The following PTPRN2 variants were observed in gnomAD, a reference collection of about 807,000 sequenced individuals.
PTPRN2 encodes the protein protein tyrosine phosphatase receptor type N2, also known as receptor-type tyrosine-protein phosphatase N2.
PTPRN2 carries 74 observed loss-of-function variants against 118.8 expected under a neutral mutation model. The ratio of observed to expected loss-of-function variants is 0.62; its 90% confidence interval spans 0.52 to 0.76. The LOEUF (loss-of-function observed/expected upper bound fraction) is 0.76. PTPRN2 is among the 30% of genes least tolerant of loss of function. The pLI, the probability that PTPRN2 is intolerant of heterozygous loss-of-function variation, is 0.00. For synonymous variants in PTPRN2, 641 were observed against 608.0 expected (o/e 1.05, Z -0.80); for missense variants, 1,481 against 1,394.4 (o/e 1.06, Z -0.99).
intron 2 of PTPRN2, among the ~76,000 whole-genome samples, chr7:158,341,554 G>A (rs199641415): frequency 0.092 from 3,580 of 38,712 alleles, 887 homozygotes; most frequent in Non-Finnish European, 0.14. Context: ...ATCTGCAGAC[G>A]TCACTCACAC....
At chr7:158,192,681 G>A (rs1200304372) in intron 4 of PTPRN2, among the ~76,000 whole-genome samples, 186 bp from the exon 5 acceptor site, 2 of 152,154 alleles carry the variant, frequency 1.3e-5, no homozygotes, top group East Asian at 1.9e-4. Context: ...TGTCCTGCAC[G>A]AGGATGGCTA....
chr7:157,870,689 C>G (rs1810994099), intron 12 of PTPRN2, among the ~76,000 whole-genome samples: 1 of 152,210 alleles, frequency 6.6e-6, no homozygotes, highest in Non-Finnish European at 1.5e-5. Context: ...TCTTCAGAAT[C>G]TCTTCCATAA....
intron 2 of PTPRN2, among the ~76,000 whole-genome samples, chr7:158,371,078 C>T (rs1053871756): frequency 5.3e-5 from 8 of 152,102 alleles, no homozygotes; most frequent in East Asian, 3.9e-4. Context: ...TCGGTCATAA[C>T]GAAAAATTTT....
chr7:158,157,650 G>A (rs965308644), intron 6 of PTPRN2, among the ~76,000 whole-genome samples: 3 of 152,238 alleles, frequency 2.0e-5, no homozygotes, highest in South Asian at 2.1e-4. Context: ...CTGCCACCCC[G>A]CACTGGGCGC....
intron 11 of PTPRN2, among the ~76,000 whole-genome samples, chr7:158,061,848 T>G (rs914594481): frequency 6.6e-6 from 1 of 152,250 alleles, no homozygotes; most frequent in African/African-American, 2.4e-5. Flanking sequence ...CTTCGATCCA[T>G]GTGGAAGTGC....
intron 14 of PTPRN2, among the ~76,000 whole-genome samples, chr7:157,624,370 G>A (rs961644140): frequency 1.3e-5 from 2 of 151,842 alleles, no homozygotes; most frequent in African/African-American, 2.4e-5. Flanking sequence ...GCAGTGAACC[G>A]AGATCGCATC....
chr7:158,192,625 T>G, intron 4 of PTPRN2, 130 bp from the exon 5 acceptor site: 1 of 1,059,580 alleles, frequency 9.4e-7, no homozygotes, highest in East Asian at 3.0e-5. Context: ...CTGGCCTTGC[T>G]GCTCCATGAC....
intron 2 of PTPRN2, among the ~76,000 whole-genome samples, chr7:158,340,501 G>C (rs1410118555): frequency 8.3e-6 from 1 of 120,096 alleles, no homozygotes; most frequent in Non-Finnish European, 1.8e-5. Flanking sequence ...GACACCTGCA[G>C]ACGTCACTCA....
intron 2 of PTPRN2, among the ~76,000 whole-genome samples, chr7:158,340,497 T>A (rs1375846698): frequency 1.8e-5 from 2 of 109,438 alleles, no homozygotes; most frequent in African/African-American, 6.8e-5. Context: ...AGGTGACACC[T>A]GCAGACGTCA....
intron 12 of PTPRN2, among the ~76,000 whole-genome samples, chr7:157,736,808 C>T (rs1389831136): frequency 6.6e-6 from 1 of 152,178 alleles, no homozygotes; most frequent in Non-Finnish European, 1.5e-5. Flanking sequence ...GCAGGTCCCT[C>T]CATGTTGAGT....
intron 12 of PTPRN2, among the ~76,000 whole-genome samples, chr7:157,771,030 G>T (rs1043770355): frequency 1.3e-5 from 2 of 152,258 alleles, no homozygotes; most frequent in Non-Finnish European, 2.9e-5. Flanking sequence ...TCGAGAGACT[G>T]GCAGCTCCCA....
At chr7:158,274,090 A>T (rs1326593650) in intron 3 of PTPRN2, among the ~76,000 whole-genome samples, 12 of 120,124 alleles carry the variant, frequency 1.0e-4, no homozygotes, top group African/African-American at 4.1e-4. Flanking sequence ...ACACAGGGGG[A>T]GCTGCAGACA....
At chr7:157,848,766 C>T (rs1346480596) in intron 12 of PTPRN2, among the ~76,000 whole-genome samples, 1 of 152,254 alleles carries the variant, frequency 6.6e-6, no homozygotes, top group African/African-American at 2.4e-5. Flanking sequence ...AGGTCGTCCA[C>T]AGGAACGCTT....
Position 157,729,044 on chromosome 7 carries a change from A to G in PTPRN2, c.1789-46107T>C, listed in dbSNP as rs955060072. Among the ~76,000 whole-genome samples, 2 of 152,234 alleles carry G rather than the reference A, an allele frequency of 1.3e-5. No individual in the cohort carries two copies. The highest frequency in any genetic ancestry group is 2.9e-5 in the Non-Finnish European group (2 of 68,052). ...GAGGTCGGTCGTTGTCTGGACACAGACAATGGGAATCTGGGCTGATACCGG... is the reference window on the plus strand; with the variant it reads ...GAGGTCGGTCGTTGTCTGGACACAGGCAATGGGAATCTGGGCTGATACCGG... On this transcript the variant is annotated intron_variant, in intron 12 of 22. Transcript: ENST00000389418. This position sits in a 1 kb window ranked among gnomAD's most constrained non-coding sequence, Gnocchi z 4.3.
In PTPRN2 at chr7:157,945,065, C is replaced by T. The variant is rs149542085; in HGVS notation, c.1724-46328G>A. On this transcript the variant is annotated intron_variant, in intron 11 of 22. Coordinates refer to ENST00000389418, the MANE Select transcript of PTPRN2 (RefSeq NM_002847.5). ...TTCCTGCTCTCACCGAGTCAGGCCT[C>T]GGACCAGCCCCTGTGTGAGATGGAG... is the stretch of plus-strand genomic sequence containing the variant. Among the ~76,000 whole-genome samples the T allele has an allele frequency of 1.9e-3, 294 of 152,264 alleles. 3 individuals are homozygous for T. The highest frequency in any genetic ancestry group is 6.5e-3 in the African/African-American group (271 of 41,556).
chr7:157,793,627 G>T (rs1307416577), intron 12 of PTPRN2, among the ~76,000 whole-genome samples: 1 of 152,188 alleles, frequency 6.6e-6, no homozygotes, highest in Non-Finnish European at 1.5e-5. Flanking sequence ...AGGAGCAATG[G>T]TGAGTTCTGC....
intron 14 of PTPRN2, among the ~76,000 whole-genome samples, 176 bp downstream of exon 14, chr7:157,656,181 A>T (rs1806073237): frequency 6.6e-6 from 1 of 151,278 alleles, no homozygotes. Flanking sequence ...TTGTTTATCT[A>T]AATTAAGAAG....
rs140476619 is a variant in PTPRN2 at position 157,828,836 on chromosome 7, G to T, written c.1788+69837C>A. Among the ~76,000 whole-genome samples the T allele has an allele frequency of 8.2e-4, 125 of 152,322 alleles. 1 individual carries two copies. The Middle Eastern group carries it at 0.014, about 17-fold the overall frequency. On this transcript the variant is annotated intron_variant, in intron 12 of 22. Coordinates refer to ENST00000389418, the MANE Select transcript of PTPRN2 (RefSeq NM_002847.5). ...TCCAGTAGTGGAGAATTTTAACAAC[G>T]CCACTCAGTTTTATTTGCGTAACCC...
intron 12 of PTPRN2, among the ~76,000 whole-genome samples, chr7:157,852,227 A>G (rs1809330176): frequency 6.6e-6 from 1 of 152,264 alleles, no homozygotes; most frequent in Admixed American, 6.5e-5. Flanking sequence ...GCTCAATTAT[A>G]TAAGCTTTCA....
Sources: gnomAD v4.1 joint callset for allele counts (sites outside exome capture counted in the v4.1 genomes callset) on GRCh38, gnomAD v4.1.1 for gene constraint, Gnocchi (gnomAD v3.1) non-coding constraint, MANE v1.5 for transcripts, NCBI Gene and HGNC (gene_info 2026-07-23, HGNC 2026-07-21) for gene names.